Variants in CELF2 observed in about 807,000 individuals in gnomAD.
CELF2 encodes CUGBP Elav-like family member 2.
In CELF2, 8 loss-of-function variants were observed where a neutral mutation model predicts 62.6. That is an observed-to-expected ratio of 0.13 (90% confidence interval 0.07 to 0.23). The LOEUF is 0.23. CELF2 is among the 10% of genes least tolerant of loss of function. The pLI, the probability that CELF2 is intolerant of heterozygous loss-of-function variation, is 1.00. For missense variants in CELF2, 333 were observed against 671.0 expected (o/e 0.50, Z 5.56); for synonymous variants, 258 against 250.0 (o/e 1.03, Z -0.30).
rs114579073 is a variant in CELF2 at position 11,189,097 on chromosome 10, G to A, written c.271+23415G>A. Among the ~76,000 whole-genome samples the A allele has an allele frequency of 6.5e-3, 988 of 152,174 alleles. 8 individuals are homozygous for A. The highest frequency in any genetic ancestry group is 0.023 in the African/African-American group (939 of 41,502). Reference sequence around the variant, plus strand: ...TGATTATTTTCTACTTCTAAAGTGAGGCCTCTCCTAGTCCTCTACCCAAGA... The same window carrying A: ...TGATTATTTTCTACTTCTAAAGTGAAGCCTCTCCTAGTCCTCTACCCAAGA... On this transcript the variant is annotated intron_variant, in intron 2 of 12. Transcript: ENST00000633077.
chr10:10,734,635 G>A, the CELF2 span, among the ~76,000 whole-genome samples: 1 of 152,230 alleles, frequency 6.6e-6, no homozygotes, highest in Non-Finnish European at 1.5e-5. Flanking sequence ...ACCCAAGAAT[G>A]TGTGGGGTTA....
intron 1 of CELF2, chr10:11,030,851 A>C (rs986253486): frequency 5.9e-5 from 9 of 152,238 alleles, no homozygotes; most frequent in Admixed American, 2.6e-4. Context: ...GGAAGGCAGG[A>C]GCATTGTAAG....
chr10:11,058,418 T>C (rs986092185), intron 1 of CELF2, among the ~76,000 whole-genome samples: 2 of 151,448 alleles, frequency 1.3e-5, no homozygotes, highest in Non-Finnish European at 2.9e-5. Flanking sequence ...TTCAACAACC[T>C]ATAAAAGCAA....
At chr10:10,882,074 C>G (rs1197686358) in intron 1 of CELF2, among the ~76,000 whole-genome samples, 1 of 152,164 alleles carries the variant, frequency 6.6e-6, no homozygotes, top group Non-Finnish European at 1.5e-5. Flanking sequence ...TCTGAAAATG[C>G]AATCGTTACC....
At chr10:11,130,123 A>T (rs1251599035) in intron 1 of CELF2, among the ~76,000 whole-genome samples, 1 of 151,958 alleles carries the variant, frequency 6.6e-6, no homozygotes, top group African/African-American at 2.4e-5. Context: ...CCTTCATTTC[A>T]TTATTTACCC....
chr10:10,536,869 A>C, the CELF2 span, among the ~76,000 whole-genome samples: 3 of 152,242 alleles, frequency 2.0e-5, no homozygotes, highest in African/African-American at 7.2e-5. Context: ...GATTATTAAA[A>C]TGCAGAAGAT....
chr10:10,634,103 T>G, the CELF2 span, among the ~76,000 whole-genome samples: 1 of 152,162 alleles, frequency 6.6e-6, no homozygotes, highest in Admixed American at 6.5e-5. Context: ...TAAGCTTGTC[T>G]TGATACTTTA....
intron 1 of CELF2, among the ~76,000 whole-genome samples, chr10:11,108,066 TCCC>T (rs1287400524): frequency 1.5e-4 from 1 of 6,680 alleles, no homozygotes; most frequent in Non-Finnish European, 2.8e-4. Flanking sequence ...CCCCACTCCC[TCCC>T]TCTCCCCACT....
At chr10:11,307,022 T>C (rs973899118) in intron 9 of CELF2, among the ~76,000 whole-genome samples, 1 of 152,224 alleles carries the variant, frequency 6.6e-6, no homozygotes, top group East Asian at 1.9e-4. Context: ...AGGAGTTCTC[T>C]GTCCAACTCA....
intron 2 of CELF2, among the ~76,000 whole-genome samples, chr10:10,980,595 T>G (rs746916820): frequency 2.6e-5 from 4 of 152,206 alleles, no homozygotes; most frequent in Non-Finnish European, 4.4e-5. Flanking sequence ...GGATTCTGTC[T>G]CAGGAGTCTT....
intron 4 of CELF2, 87 bp from the exon 5 acceptor site, chr10:11,257,651 G>A (rs2079232862): frequency 6.7e-7 from 1 of 1,487,670 alleles, no homozygotes; most frequent in African/African-American, 1.4e-5. Flanking sequence ...CACATGGCTG[G>A]GGCCTGGTTT....
intron 1 of CELF2, among the ~76,000 whole-genome samples, chr10:10,869,774 G>C (rs1199607460): frequency 6.6e-6 from 1 of 151,872 alleles, no homozygotes; most frequent in Admixed American, 6.6e-5. Flanking sequence ...CTCTCTTCAC[G>C]CCTTATCAAC....
At chr10:10,969,081 C>T (rs2050470567) in intron 2 of CELF2, among the ~76,000 whole-genome samples, 2 of 152,216 alleles carry the variant, frequency 1.3e-5, no homozygotes, top group South Asian at 4.1e-4. Context: ...GGGACAACTT[C>T]AAAATGTGGG....
chr10:10,958,301 G>A (rs1006379408), intron 2 of CELF2, among the ~76,000 whole-genome samples: 19 of 152,266 alleles, frequency 1.2e-4, no homozygotes, highest in South Asian at 2.1e-4. Flanking sequence ...AGTCCTGTGC[G>A]TCCCAATTCA....
At chr10:10,625,910 ATTCT>A in the CELF2 span, among the ~76,000 whole-genome samples, 2 of 149,512 alleles carry the variant, frequency 1.3e-5, no homozygotes, top group South Asian at 4.3e-4. Flanking sequence ...ATTTCATGTG[ATTCT>A]TTTTTTTTTT....
intron 1 of CELF2, among the ~76,000 whole-genome samples, chr10:11,047,807 A>T (rs1052911263): frequency 1.3e-5 from 2 of 152,116 alleles, no homozygotes; most frequent in Non-Finnish European, 2.9e-5. Flanking sequence ...TTTCATTCTT[A>T]TGTTGCCTAT....
In CELF2 at chr10:11,165,432, T is replaced by A. The variant is rs976494570; in HGVS notation, c.75-54T>A. 3.0e-5 allele frequency: 47 copies of A among 1,575,374 alleles called. No homozygotes were observed. The highest frequency in any genetic ancestry group is 8.2e-5 in the African/African-American group (6 of 73,396). On this transcript the variant is annotated intron_variant, in intron 1 of 12. Transcript: ENST00000633077. The surrounding 1 kb of genome is among the most constrained non-coding windows in gnomAD (Gnocchi z 7.4). ...CTCCCCCACCCCCACTATTTTTTCTTCCTGTCCCTCATCGTGCCGCCCTAA... is the reference window on the plus strand; with the variant it reads ...CTCCCCCACCCCCACTATTTTTTCTACCTGTCCCTCATCGTGCCGCCCTAA...
intron 3 of CELF2, among the ~76,000 whole-genome samples, chr10:11,240,859 T>C (rs943176): frequency 0.99 from 150,236 of 152,326 alleles, 74,140 homozygotes; most frequent in East Asian, 1. Context: ...CCCAAACTTA[T>C]TTACACCACA....
intron 8 of CELF2, among the ~76,000 whole-genome samples, chr10:11,276,164 T>C (rs1391854810): frequency 6.6e-6 from 1 of 152,168 alleles, no homozygotes; most frequent in Non-Finnish European, 1.5e-5. Flanking sequence ...CTTGTTTCAC[T>C]TCAAATGAAT....
Sources: allele counts gnomAD v4.1 joint callset (sites outside exome capture counted in the v4.1 genomes callset), GRCh38; gene constraint gnomAD v4.1.1; non-coding constraint Gnocchi (gnomAD v3.1); transcripts MANE v1.5; gene names NCBI Gene and HGNC (gene_info 2026-07-23, HGNC 2026-07-21).